The following ZFAND1 variants were observed in gnomAD, a reference collection of about 807,000 sequenced individuals.
ZFAND1 encodes the protein AN1-type zinc finger protein 1.
Under a neutral mutation model 38.5 loss-of-function variants are expected in ZFAND1, and 40 were observed. That is an observed-to-expected ratio of 1.04 (90% CI 0.81 to 1.35). The LOEUF is 1.35. ZFAND1 is among the 40% of genes most tolerant of loss of function. The pLI, the probability that ZFAND1 is intolerant of heterozygous loss-of-function variation, is 0.00. For missense variants in ZFAND1, 346 were observed against 316.3 expected, an observed-to-expected ratio of 1.09 and a Z score of -0.71; for synonymous variants, 117 against 103.6, an observed-to-expected ratio of 1.13 and a Z score of -0.78.
rs973658554 is a variant in ZFAND1 at position 81,701,742 on chromosome 8, C to T, written c.*953G>A. The T allele has an allele frequency of 6.6e-6, 1 of 152,126 alleles. No individual in the cohort carries two copies. Among genetic ancestry groups the T allele is most frequent in the South Asian group, 2.1e-4 (1 of 4,826 alleles). 9.4% of individuals were successfully genotyped at this position (152,126 alleles called of 1,614,324 possible). A position where few individuals can be genotyped will look rare whatever the true frequency, so the allele number is the denominator to read the frequency against. On this transcript the variant is annotated 3_prime_UTR_variant, in exon 8 of 8. Transcript: ENST00000220669. ...CCAAATGAGCATTCCAAATTTATTC[C>T]TTTTAAGTAAACCTATAGCCACTAC...
At chr8:81,709,221 GA>G (rs925956791) in intron 6 of ZFAND1, among the ~76,000 whole-genome samples, 3 of 152,104 alleles carry the variant, frequency 2.0e-5, no homozygotes, top group Non-Finnish European at 4.4e-5. Context: ...TCACTTGAGG[GA>G]ATTTCTACTA....
Position 81,714,848 on chromosome 8 carries a change from T to A in ZFAND1, c.314A>T (p.Lys105Met). 6.2e-7 allele frequency: 1 copy of A among 1,614,106 alleles called. No individual in the cohort carries two copies. Among genetic ancestry groups the A allele is most frequent in the Non-Finnish European group, 8.5e-7 (1 of 1,179,944 alleles). ...TTTCTGAGTGGCAGCCATTCGAGGC[T>A]TTGGGATTTCCAGTTTTTCACACTC... ...DHECEKLEIP[K>M]PRMAATQKLV... The change falls in exon 5 of 8, where the codon AAG (lysine) becomes ATG (methionine). Residue 105 changes from lysine to methionine, a missense_variant. By Grantham distance (95) the Lys-to-Met change is moderately conservative. Coordinates refer to ENST00000220669, the MANE Select transcript of ZFAND1 (RefSeq NM_024699.3).
intron 2 of ZFAND1, 86 bp downstream of exon 2, chr8:81,718,096 T>C: frequency 9.0e-7 from 1 of 1,106,976 alleles, no homozygotes; most frequent in Non-Finnish European, 1.3e-6. Flanking sequence ...GTAACAATTA[T>C]TTTAAATCAT....
At chr8:81,710,460 GAA>G (rs1325989688) in intron 6 of ZFAND1, among the ~76,000 whole-genome samples, 3 of 152,026 alleles carry the variant, frequency 2.0e-5, no homozygotes, top group Non-Finnish European at 4.4e-5. Flanking sequence ...AAAGGAAAGA[GAA>G]AGAGTCAAAG....
In ZFAND1 at chr8:81,714,834, C is replaced by T. The variant is rs199757100; in HGVS notation, c.328G>A (p.Ala110Thr). ...ATGTCTTTAACAAGTTTCTGAGTGG[C>T]AGCCATTCGAGGCTTTGGGATTTCC... ...KLEIPKPRMAATQKLVKDIID... is the reference protein window; with the variant it reads ...KLEIPKPRMATTQKLVKDIID... The change falls in exon 5 of 8, where the codon GCC becomes ACC. Residue 110 changes from alanine (A) to threonine (T), a missense_variant. Transcript: ENST00000220669. 3.1e-6 allele frequency: 5 copies of T among 1,614,058 alleles called. No individual in the cohort carries two copies. Among genetic ancestry groups the T allele is most frequent in the Non-Finnish European group, 4.2e-6 (5 of 1,179,952 alleles).
rs776070552 is a variant in ZFAND1 at position 81,703,039 on chromosome 8, A to T, written c.566T>A (p.Ile189Asn). ...AGCGGCAAAGTCTATGGCCTTTCCA[A>T]TGCTCCATCGGTGGCAAAAGAACAT... is the stretch of plus-strand genomic sequence containing the variant. ...KPMFFCHRWS[I>N]GKAIDFAASL... The change falls in exon 7 of 8, where the codon ATT becomes AAT. Residue 189 changes from isoleucine to asparagine, a missense_variant. Coordinates refer to ENST00000220669, the MANE Select transcript of ZFAND1 (RefSeq NM_024699.3). The T allele has an allele frequency of 1.3e-6, 2 of 1,582,202 alleles. No individual in the cohort carries two copies. The highest frequency in any genetic ancestry group is 4.5e-5 in the East Asian group (2 of 44,176).
Position 81,717,299 on chromosome 8 carries a change from A to G in ZFAND1, c.99-11T>C, listed in dbSNP as rs370380678. On this transcript the variant is annotated splice_polypyrimidine_tract_variant and intron_variant, in intron 2 of 7. Transcript: ENST00000220669. Reference sequence around the variant, plus strand: ...CTTCTGTGTTCAAGGCTTAAATAATAATAGCAAGTGTTTATTTAAATAACA... The same window carrying G: ...CTTCTGTGTTCAAGGCTTAAATAATGATAGCAAGTGTTTATTTAAATAACA... 2.1e-5 allele frequency: 32 copies of G among 1,518,412 alleles called. No homozygotes were observed. The highest frequency in any genetic ancestry group is 2.9e-5 in the African/African-American group (2 of 69,354). The allele number at this position is 1,518,412 out of a possible 1,614,324, so 94.1% of individuals were successfully genotyped here.
rs771411265 is a variant in ZFAND1, at chr8:81,715,010, A to AGAC, written c.242_243insGTC (p.Tyr81delinsTer). On this transcript the variant is annotated stop_gained, in exon 4 of 8. Transcript: ENST00000220669. LOFTEE classifies it high-confidence loss of function. Reference sequence around the variant, plus strand: ...ACCTCAGGCAAAAATTCTTCTCACAATAAGGACATATAACTGCCACAAGTT... The same window carrying AGAC: ...ACCTCAGGCAAAAATTCTTCTCACAAGACTAAGGACATATAACTGCCACAAGTT... 6.2e-7 allele frequency: 1 copy of AGAC among 1,614,102 alleles called. No homozygotes were observed. Among genetic ancestry groups the AGAC allele is most frequent in the Admixed American group, 1.7e-5 (1 of 60,020 alleles).
In ZFAND1 at chr8:81,702,803, G is replaced by A. The variant is rs1322952824; in HGVS notation, c.699C>T (p.Thr233=). The part of the protein sequence containing the change: ...EALPLDHTLE[T]WIAKEDCPLY... ...AAGGACAATCCTCCTTAGCAATCCA[G>A]GTTTCCAAAGTATGATCCAAGGGTA... Residue 233 remains threonine (T), a synonymous_variant, in exon 8 of 8, where the codon ACC becomes ACT. Coordinates refer to ENST00000220669, the MANE Select transcript of ZFAND1 (RefSeq NM_024699.3). 1 of 1,608,848 alleles carries A rather than the reference G, an allele frequency of 6.2e-7. No homozygotes were observed. Among genetic ancestry groups the A allele is most frequent in the Admixed American group, 1.7e-5 (1 of 59,126 alleles).
chr8:81,710,636 C>T (rs1025973748), intron 6 of ZFAND1, among the ~76,000 whole-genome samples: 8 of 151,776 alleles, frequency 5.3e-5, no homozygotes, highest in African/African-American at 1.9e-4. Flanking sequence ...AAGAGACACC[C>T]TAAAACAAAA....
intron 6 of ZFAND1, among the ~76,000 whole-genome samples, chr8:81,706,370 CAAAA>C (rs35031788): frequency 2.8e-5 from 2 of 72,674 alleles, no homozygotes; most frequent in Admixed American, 2.1e-4. Flanking sequence ...GAAGGAGAAA[CAAAA>C]AAAAAAAAAA....
chr8:81,703,071 G>T lies in ZFAND1; in HGVS notation c.534C>A (p.Ser178Arg). 2 of 1,575,486 alleles carry T rather than the reference G, an allele frequency of 1.3e-6. No individual in the cohort carries two copies. The highest frequency in any genetic ancestry group is 2.3e-5 in the East Asian group (1 of 43,962). The change falls in exon 7 of 8, where the codon AGC becomes AGA. Residue 178 changes from serine (S) to arginine (R), a missense_variant. Physicochemically the swap from Ser to Arg is moderately radical, Grantham distance 110. Coordinates refer to ENST00000220669, the MANE Select transcript of ZFAND1 (RefSeq NM_024699.3). Reference protein sequence around the residue: ...VFLPKGSKEKSKPMFFCHRWS... With the variant: ...VFLPKGSKEKRKPMFFCHRWS... ...ATCGGTGGCAAAAGAACATTGGTTT[G>T]CTCTTCTCTTTGCTCCCTTTAGGTA...
chr8:81,702,651 T>C lies in ZFAND1; in HGVS notation c.*44A>G. The C allele has an allele frequency of 7.3e-7, 1 of 1,375,704 alleles. No individual in the cohort carries two copies. Among genetic ancestry groups the C allele is most frequent in the East Asian group, 2.6e-5 (1 of 38,134 alleles). 85.2% of individuals were successfully genotyped at this position (1,375,704 alleles called of 1,614,324 possible). A position where few individuals can be genotyped will look rare whatever the true frequency, so the allele number is the denominator to read the frequency against. On this transcript the variant is annotated 3_prime_UTR_variant, in exon 8 of 8. Coordinates refer to ENST00000220669, the MANE Select transcript of ZFAND1 (RefSeq NM_024699.3). ...AGTAAAATAAATGGACTTAAACATG[T>C]AATAGAATTTTCCCTGTGATTTCTG...
At chr8:81,705,163 C>T (rs140392373) in intron 6 of ZFAND1, among the ~76,000 whole-genome samples, 91 of 152,250 alleles carry the variant, frequency 6.0e-4, no homozygotes, top group African/African-American at 2.2e-3. Context: ...TGTGGGACCT[C>T]TGCTCTAGGA....
intron 3 of ZFAND1, among the ~76,000 whole-genome samples, chr8:81,716,476 G>T (rs1808314631): frequency 6.6e-6 from 1 of 152,048 alleles, no homozygotes; most frequent in African/African-American, 2.4e-5. Context: ...GCAAAATTAG[G>T]GTAGGAATTT....
intron 3 of ZFAND1, among the ~76,000 whole-genome samples, chr8:81,715,739 T>C (rs1448000286): frequency 6.6e-6 from 1 of 152,132 alleles, no homozygotes; most frequent in Non-Finnish European, 1.5e-5. Flanking sequence ...GGGAAATAAT[T>C]GCTTGAAAAC....
Position 81,717,263 on chromosome 8 carries a change from G to A in ZFAND1, c.124C>T (p.His42Tyr). 7 of 1,544,684 alleles carry A rather than the reference G, an allele frequency of 4.5e-6. No homozygotes were observed. Among genetic ancestry groups the A allele is most frequent in the Non-Finnish European group, 6.1e-6 (7 of 1,155,108 alleles). Residue 42 changes from histidine (H) to tyrosine (Y), a missense_variant, in exon 3 of 8, where the codon CAT becomes TAT. Transcript: ENST00000220669. ...TACTAACATACCTCAGGACAACCAT[G>A]AGACTCCCTGCTTCTGTGTTCAAGG... ...FCLEHRSRES[H>Y]GCPEVTVINE...
At chr8:81,708,885 T>A in intron 6 of ZFAND1, 2 of 942,070 alleles carry the variant, frequency 2.1e-6, no homozygotes, top group Non-Finnish European at 2.8e-6. Context: ...TAAAGATGAT[T>A]AAAAAACTAG....
At chr8:81,716,625 G>A (rs552668844) in intron 3 of ZFAND1, among the ~76,000 whole-genome samples, 48 of 152,248 alleles carry the variant, frequency 3.2e-4, no homozygotes, top group Admixed American at 1.8e-3. Flanking sequence ...AATATATAAG[G>A]AGGACATTAA....
Sources: allele counts gnomAD v4.1 joint callset (sites outside exome capture counted in the v4.1 genomes callset), GRCh38; gene constraint gnomAD v4.1.1; transcripts MANE v1.5; gene names NCBI Gene and HGNC (gene_info 2026-07-23, HGNC 2026-07-21).